ZNF727: variants seen among roughly 807,000 people sequenced by gnomAD.
The protein encoded by ZNF727 is zinc finger protein 727, also known as putative zinc finger protein 727.
ZNF727 carries 11 observed loss-of-function variants against 11.5 expected under a neutral mutation model. The ratio of observed to expected loss-of-function variants is 0.95; its 90% CI spans 0.60 to 1.58. The LOEUF (loss-of-function observed/expected upper bound fraction) is 1.58, where lower values mean the gene tolerates loss of function less well. ZNF727 is among the 40% of genes most tolerant of loss of function. The pLI is 0.00. For synonymous variants in ZNF727, 171 were observed against 196.1 expected (o/e 0.87, Z 1.07); for missense variants, 533 against 581.7 (o/e 0.92, Z 0.86).
chr7:64,074,019 G>A (rs1441671144), intron 3 of ZNF727, among the ~76,000 whole-genome samples: 2 of 152,138 alleles, frequency 1.3e-5, no homozygotes, highest in African/African-American at 4.8e-5. Context: ...AGTACTGGGA[G>A]TTGATTGTGC....
Position 64,077,641 on chromosome 7 carries a change from A to G in ZNF727, c.592A>G (p.Arg198Gly). 6.4e-7 allele frequency: 1 copy of G among 1,553,836 alleles called. No individual in the cohort carries two copies. Among genetic ancestry groups the G allele is most frequent in the Non-Finnish European group, 8.7e-7 (1 of 1,148,352 alleles). Residue 198 changes from arginine to glycine, a missense_variant, in exon 4 of 4, where the codon AGA (arginine) becomes GGA (glycine). Around this residue, in one of 3 missense-constraint regions of ZNF727, gnomAD observed 463 missense variants for 494.5 expected, o/e 0.94. Coordinates refer to ENST00000456806, the MANE Select transcript of ZNF727 (RefSeq NM_001159522.3). ...TIQKRIHTAD[R>G]SYKCEECGKA... ...ACAGAAGAGAATTCATACTGCAGAT[A>G]GAAGTTACAAATGTGAAGAATGTGG...
Position 64,077,451 on chromosome 7 carries a change from T to C in ZNF727, c.402T>C (p.His134=), listed in dbSNP as rs530674747. ...AGAAAAGCAGTTATAATGGCATTCA[T>C]CAATGTTTGTCAGCTACCCGTAGCA... ...KGQKSSYNGI[H]QCLSATRSKT... is the part of the protein sequence containing the mutation. Residue 134 remains histidine, a synonymous_variant, in exon 4 of 4, where the codon CAT becomes CAC. Coordinates refer to ENST00000456806, the MANE Select transcript of ZNF727 (RefSeq NM_001159522.3). 6.4e-7 allele frequency: 1 copy of C among 1,551,968 alleles called. No homozygotes were observed. The highest frequency in any genetic ancestry group is 8.7e-7 in the Non-Finnish European group (1 of 1,147,032).
chr7:64,082,867 C>T lies in ZNF727; in HGVS notation c.*4318C>T, dbSNP rs548998068. On this transcript the variant is annotated 3_prime_UTR_variant, in exon 4 of 4. Coordinates refer to ENST00000456806, the MANE Select transcript of ZNF727 (RefSeq NM_001159522.3). ...ACTGCACTCCAGCCTGGTGAGAGAG[C>T]GAGACTCCGTCTCAAAAAAAAAAAA... is the stretch of plus-strand genomic sequence containing the variant. 1.5e-3 allele frequency among the ~76,000 whole-genome samples: 208 copies of T among 137,200 alleles called. No homozygotes were observed. Among genetic ancestry groups the T allele is most frequent in the African/African-American group, 4.9e-3 (184 of 37,178 alleles). The allele number at this position is 137,200 out of a possible 152,430, so 90.0% of individuals were successfully genotyped here. A position where few individuals can be genotyped will look rare whatever the true frequency, so the allele number is the denominator to read the frequency against.
intron 1 of ZNF727, among the ~76,000 whole-genome samples, chr7:64,052,315 T>G (rs544970620): frequency 1.3e-5 from 2 of 152,016 alleles, no homozygotes; most frequent in South Asian, 4.2e-4. Context: ...CTCCAGATAG[T>G]GAATAGGTCT....
chr7:64,055,588 A>G (rs1049534294), intron 1 of ZNF727, among the ~76,000 whole-genome samples: 3 of 151,856 alleles, frequency 2.0e-5, no homozygotes, highest in Admixed American at 6.6e-5. Flanking sequence ...TCTGAATTCT[A>G]CCATTCTCGG....
At chr7:64,072,037 A>G (rs960080020) in intron 3 of ZNF727, among the ~76,000 whole-genome samples, 2 of 152,142 alleles carry the variant, frequency 1.3e-5, no homozygotes, top group African/African-American at 4.8e-5. Context: ...TTTGTTTTTA[A>G]TTCTCAAAAC....
rs1785845177 is a variant in ZNF727, at chr7:64,084,605, G to A, written c.*6056G>A. Among the ~76,000 whole-genome samples, 1 of 152,142 alleles carries A rather than the reference G, an allele frequency of 6.6e-6. No homozygotes were observed. The highest frequency in any genetic ancestry group is 1.5e-5 in the Non-Finnish European group (1 of 68,010). ...TCTTGTAACTACAGGTTATTATGAT[G>A]TTTGTAATGAAGATGAGTATAATGG... On this transcript the variant is annotated 3_prime_UTR_variant, in exon 4 of 4. Coordinates refer to ENST00000456806, the MANE Select transcript of ZNF727 (RefSeq NM_001159522.3).
At chr7:64,060,444 A>G (rs552194056) in intron 1 of ZNF727, among the ~76,000 whole-genome samples, 8 of 152,122 alleles carry the variant, frequency 5.3e-5, no homozygotes, top group Admixed American at 1.3e-4. Context: ...TTCTGTGCCT[A>G]TTTGTGATAC....
At chr7:64,063,489 CTCTG>C (rs1789810593) in intron 1 of ZNF727, among the ~76,000 whole-genome samples, 1 of 151,816 alleles carries the variant, frequency 6.6e-6, no homozygotes, top group South Asian at 2.1e-4. Flanking sequence ...ATCTCTCTCT[CTCTG>C]CATGCTGAGC....
intron 1 of ZNF727, among the ~76,000 whole-genome samples, chr7:64,065,140 C>T (rs953195138): frequency 1.3e-5 from 2 of 152,058 alleles, no homozygotes; most frequent in Non-Finnish European, 2.9e-5. Flanking sequence ...CCCCTGCAGC[C>T]ATGTTGTTTG....
intron 1 of ZNF727, among the ~76,000 whole-genome samples, chr7:64,065,355 A>G (rs1789846280): frequency 6.6e-6 from 1 of 152,132 alleles, no homozygotes; most frequent in Admixed American, 6.6e-5. Flanking sequence ...GAGAAGGGCA[A>G]CTGAGTGTTG....
chr7:64,076,192 A>G (rs1347749380), intron 3 of ZNF727, among the ~76,000 whole-genome samples: 1 of 152,192 alleles, frequency 6.6e-6, no homozygotes, highest in Non-Finnish European at 1.5e-5. Flanking sequence ...AGTCATACAT[A>G]TATTGCCATT....
chr7:64,055,140 C>T (rs926842519), intron 1 of ZNF727, among the ~76,000 whole-genome samples: 2 of 152,020 alleles, frequency 1.3e-5, no homozygotes, highest in East Asian at 1.9e-4. Flanking sequence ...GTACATAGGC[C>T]GGGTATGGTG....
At chr7:64,065,966 C>T (rs1385049964) in intron 1 of ZNF727, among the ~76,000 whole-genome samples, 1 of 152,174 alleles carries the variant, frequency 6.6e-6, no homozygotes, top group South Asian at 2.1e-4. Flanking sequence ...TGTATCAGGT[C>T]CTTGGTTATC....
At chr7:64,049,192 T>C (rs369711598) in intron 1 of ZNF727, among the ~76,000 whole-genome samples, 1 of 152,104 alleles carries the variant, frequency 6.6e-6, no homozygotes, top group African/African-American at 2.4e-5. Context: ...ATGTATTCAG[T>C]CTCAGTCAGC....
intron 1 of ZNF727, among the ~76,000 whole-genome samples, chr7:64,053,521 A>G (rs1789635204): frequency 6.6e-6 from 1 of 152,024 alleles, no homozygotes; most frequent in Admixed American, 6.5e-5. Context: ...GGGTTTCACC[A>G]TGTTGGTCAG....
intron 1 of ZNF727, among the ~76,000 whole-genome samples, chr7:64,051,943 T>C (rs1789604896): frequency 6.6e-6 from 1 of 152,220 alleles, no homozygotes. Context: ...TTTGGGGTCA[T>C]CTGAAGTCAT....
intron 3 of ZNF727, among the ~76,000 whole-genome samples, chr7:64,077,047 G>A (rs893739094): frequency 6.6e-6 from 1 of 152,082 alleles, no homozygotes; most frequent in African/African-American, 2.4e-5. Context: ...TGTGGTTCTT[G>A]GCATTTTTCT....
intron 1 of ZNF727, among the ~76,000 whole-genome samples, chr7:64,059,093 T>G (rs1789731520): frequency 6.6e-6 from 1 of 152,056 alleles, no homozygotes. Context: ...TACATGTGCA[T>G]GCCACCACAC....
Sources: allele counts gnomAD v4.1 joint callset (sites outside exome capture counted in the v4.1 genomes callset), GRCh38; gene constraint gnomAD v4.1.1; regional missense constraint gnomAD v4.1.1; transcripts MANE v1.5; gene names NCBI Gene and HGNC (gene_info 2026-07-23, HGNC 2026-07-21).